The following UBE2J1 variants were observed in gnomAD, a reference collection of about 807,000 sequenced individuals.
The protein encoded by UBE2J1 is ubiquitin-conjugating enzyme E2 J1.
Under a neutral mutation model 42.1 loss-of-function variants are expected in UBE2J1, and 17 were observed. The ratio of observed to expected loss-of-function variants is 0.40; its 90% CI spans 0.28 to 0.61. The LOEUF is 0.61. Ranked by LOEUF, UBE2J1 falls within the 20% of genes least tolerant of loss-of-function variation. The probability of loss-of-function intolerance (pLI) is 0.38; values close to 1 mark genes in which losing one functional copy is unlikely to be tolerated. For synonymous variants in UBE2J1, 127 were observed against 137.2 expected (o/e 0.93, Z 0.52); for missense variants, 291 against 389.4 (o/e 0.75, Z 2.13).
intron 3 of UBE2J1, among the ~76,000 whole-genome samples, 181 bp from the exon 4 acceptor site, chr6:89,338,724 G>A (rs981946391): frequency 7.3e-6 from 1 of 137,704 alleles, no homozygotes; most frequent in Admixed American, 8.1e-5. Flanking sequence ...GGAGTGCAGT[G>A]GTGTGATATC....
At chr6:89,349,558 T>A (rs1443942325) in intron 1 of UBE2J1, among the ~76,000 whole-genome samples, 1 of 152,156 alleles carries the variant, frequency 6.6e-6, no homozygotes, top group Non-Finnish European at 1.5e-5. Context: ...CCCTGAGATA[T>A]GAAATACTAG....
intron 3 of UBE2J1, 93 bp from the exon 4 acceptor site, chr6:89,338,636 A>T: frequency 7.1e-6 from 2 of 282,826 alleles, no homozygotes; most frequent in Non-Finnish European, 1.2e-5. Flanking sequence ...TAATAATTTT[A>T]GAGATTATCT....
intron 1 of UBE2J1, 52 bp downstream of exon 1, chr6:89,352,487 G>A: frequency 1.3e-6 from 2 of 1,528,862 alleles, no homozygotes; most frequent in Non-Finnish European, 8.8e-7. Context: ...CGACCACCCC[G>A]GGGTCCAGGG....
chr6:89,352,427 A>G, intron 1 of UBE2J1, 112 bp downstream of exon 1: 1 of 1,266,312 alleles, frequency 7.9e-7, no homozygotes, highest in Non-Finnish European at 1.1e-6. Context: ...TAGAGCGCGA[A>G]ACCAGGAGCT....
In UBE2J1 at chr6:89,338,653, GTTTGTTT is replaced by G. The variant is rs1472940206; in HGVS notation, c.238-117_238-111del. On this transcript the variant is annotated intron_variant, in intron 3 of 7. Transcript: ENST00000435041. Reference sequence around the variant, plus strand: ...ATAATTTTAGAGATTATCTTAAAAAGTTTGTTTTTTTTTTTTTTTTTTTTTTTTTTGA... The same window carrying G: ...ATAATTTTAGAGATTATCTTAAAAAGTTTTTTTTTTTTTTTTTTTTTTTGA... The G allele has an allele frequency of 3.3e-5, 4 of 120,712 alleles. No individual in the cohort carries two copies. The Admixed American group carries it at 3.4e-4, about 10-fold the overall frequency. The allele number at this position is 120,712 out of a possible 1,614,324, so 7.5% of individuals were successfully genotyped here.
rs776800982 is a variant in UBE2J1, at chr6:89,333,087, G to A, written c.677C>T (p.Ser226Leu). 132 of 1,606,580 alleles carry A rather than the reference G, an allele frequency of 8.2e-5. No homozygotes were observed. Among genetic ancestry groups the A allele is most frequent in the Non-Finnish European group, 1.0e-4 (118 of 1,176,632 alleles). Residue 226 changes from serine (S) to leucine (L), a missense_variant and splice_region_variant, in exon 7 of 8, where the codon TCG becomes TTG. This residue lies in a region of UBE2J1 where 176 missense variants were observed against 196.3 expected (regional missense o/e 0.90). Transcript: ENST00000435041. ...TTFQGATAST[S>L]YGLQNSSAAS... The stretch of plus-strand genomic sequence containing the variant: ...TATATTAAAAGATAAGAGCCATACC[G>A]ATGTACTGGCCGTAGCACCCTGGAA...
intron 6 of UBE2J1, among the ~76,000 whole-genome samples, chr6:89,333,690 T>A (rs983357032): frequency 2.0e-5 from 3 of 152,230 alleles, no homozygotes; most frequent in African/African-American, 7.2e-5. Flanking sequence ...ATATGTAAGA[T>A]CTTTTCTTAA....
intron 3 of UBE2J1, among the ~76,000 whole-genome samples, chr6:89,339,316 C>A (rs1159300250): frequency 3.4e-5 from 5 of 147,212 alleles, no homozygotes; most frequent in African/African-American, 1.3e-4. Context: ...TCTAGTCCTA[C>A]CTACTTGGGA....
In UBE2J1 at chr6:89,329,590, A is replaced by G. The variant is rs941755173; in HGVS notation, c.*89T>C. 5 of 1,396,132 alleles carry G rather than the reference A, an allele frequency of 3.6e-6. No individual in the cohort carries two copies. The African/African-American group carries it at 7.3e-5, about 20-fold the overall frequency. The allele number at this position is 1,396,132 out of a possible 1,614,324, so 86.5% of individuals were successfully genotyped here. A position where few individuals can be genotyped will look rare whatever the true frequency, so the allele number is the denominator to read the frequency against. On this transcript the variant is annotated 3_prime_UTR_variant, in exon 8 of 8. Coordinates refer to ENST00000435041, the MANE Select transcript of UBE2J1 (RefSeq NM_016021.3). Reference sequence around the variant, plus strand: ...AAGGAATGAAGGGTAAATACAAAATAATCTTTTTGTAAACAATTCTTAGAT... The same window carrying G: ...AAGGAATGAAGGGTAAATACAAAATGATCTTTTTGTAAACAATTCTTAGAT...
At chr6:89,343,810 T>A in intron 1 of UBE2J1, 54 bp from the exon 2 acceptor site, 1 of 1,391,646 alleles carries the variant, frequency 7.2e-7, no homozygotes, top group Non-Finnish European at 9.9e-7. Flanking sequence ...TCTGAATGAT[T>A]AGCACAGTCT....
At chr6:89,337,037 C>T (rs530305801) in intron 5 of UBE2J1, among the ~76,000 whole-genome samples, 11 of 152,110 alleles carry the variant, frequency 7.2e-5, no homozygotes, top group African/African-American at 1.9e-4. Flanking sequence ...GCTGCAGTTT[C>T]GCCATTTTAC....
chr6:89,331,896 C>A (rs1281429044), intron 7 of UBE2J1, among the ~76,000 whole-genome samples: 1 of 152,062 alleles, frequency 6.6e-6, no homozygotes, highest in East Asian at 1.9e-4. Context: ...AACATATTGA[C>A]CTTAAAATTA....
chr6:89,333,651 A>G (rs544788834), intron 6 of UBE2J1, among the ~76,000 whole-genome samples: 35 of 152,372 alleles, frequency 2.3e-4, no homozygotes, highest in Non-Finnish European at 4.1e-4. Context: ...GCTGCCCCAG[A>G]TCGCACGGCA....
chr6:89,340,332 TA>T (rs1768220905), intron 3 of UBE2J1, among the ~76,000 whole-genome samples: 1 of 152,164 alleles, frequency 6.6e-6, no homozygotes, highest in African/African-American at 2.4e-5. Flanking sequence ...TATTTGTTGG[TA>T]AAGAGCTGCT....
At chr6:89,339,467 A>AG (rs1309167976) in intron 3 of UBE2J1, among the ~76,000 whole-genome samples, 1 of 4,104 alleles carries the variant, frequency 2.4e-4, no homozygotes, top group African/African-American at 1.2e-3. Flanking sequence ...AGGGGAGGAG[A>AG]GGGGGGGAGG....
At position 89,329,785 on chromosome 6, in the gene UBE2J1, T is replaced by A. The variant is rs367798892; in HGVS notation, c.851A>T (p.His284Leu). Reference protein sequence around the residue: ...GHQPRDNHTDHGGSAVLIVIL... With the variant: ...GHQPRDNHTDLGGSAVLIVIL... ...GACAATCAGTACAGCTGACCCACCA[T>A]GATCAGTGTGGTTGTCTCTTGGCTG... is the stretch of plus-strand genomic sequence containing the variant. Residue 284 changes from histidine (H) to leucine (L), a missense_variant, in exon 8 of 8, where the codon CAT becomes CTT. By Grantham distance (99) the His-to-Leu change is moderately conservative. Transcript: ENST00000435041. 1.2e-6 allele frequency: 2 copies of A among 1,614,010 alleles called. No individual in the cohort carries two copies. The highest frequency in any genetic ancestry group is 1.7e-6 in the Non-Finnish European group (2 of 1,179,996).
chr6:89,343,434 CAAAAAAAAAAAAA>C (rs58981898), intron 2 of UBE2J1, among the ~76,000 whole-genome samples: 4 of 81,038 alleles, frequency 4.9e-5, no homozygotes, highest in Non-Finnish European at 7.3e-5. Context: ...GACTCCGCCT[CAAAAAAAAAAAAA>C]AAAAAAAAAA....
chr6:89,352,465 G>T, intron 1 of UBE2J1, 74 bp downstream of exon 1: 2 of 1,464,268 alleles, frequency 1.4e-6, no homozygotes, highest in Non-Finnish European at 1.8e-6. Flanking sequence ...AGACGCGAGG[G>T]GACCGAGGCG....
chr6:89,351,271 G>C (rs139456223), intron 1 of UBE2J1, among the ~76,000 whole-genome samples: 1 of 151,532 alleles, frequency 6.6e-6, no homozygotes, highest in East Asian at 1.9e-4. Context: ...TAGTAGAGAC[G>C]GGGTTTCACC....
Sources: allele counts gnomAD v4.1 joint callset (sites outside exome capture counted in the v4.1 genomes callset), GRCh38; gene constraint gnomAD v4.1.1; regional missense constraint gnomAD v4.1.1; transcripts MANE v1.5; gene names NCBI Gene and HGNC (gene_info 2026-07-23, HGNC 2026-07-21).